Variants in RAD51AP2 observed in about 807,000 individuals in gnomAD.
RAD51AP2 encodes the protein RAD51-associated protein 2.
A neutral mutation model predicts 85.5 loss-of-function variants in RAD51AP2; 67 were observed. The ratio of observed to expected loss-of-function variants is 0.78; its 90% CI spans 0.64 to 0.96. The LOEUF (loss-of-function observed/expected upper bound fraction) is 0.96. Ranked by LOEUF, RAD51AP2 falls within the 40% of genes least tolerant of loss-of-function variation. The pLI, the probability that RAD51AP2 is intolerant of heterozygous loss-of-function variation, is 0.00. For missense variants in RAD51AP2, 1,307 were observed against 1,332.4 expected (o/e 0.98, Z 0.30); for synonymous variants, 474 against 446.5 (o/e 1.06, Z -0.78).
chr2:17,530,034 C>T, the RAD51AP2 span, among the ~76,000 whole-genome samples: 1 of 152,192 alleles, frequency 6.6e-6, no homozygotes, highest in South Asian at 2.1e-4. Context: ...CTGATACTGC[C>T]TGTTTCTTGC....
intron 2 of RAD51AP2, among the ~76,000 whole-genome samples, chr2:17,512,054 T>C (rs1280258127): frequency 6.6e-6 from 1 of 152,212 alleles, no homozygotes; most frequent in Non-Finnish European, 1.5e-5. Flanking sequence ...AACTGGCTGG[T>C]TGGCATACAA....
In RAD51AP2 at chr2:17,517,605, A is replaced by C. The variant is rs1008248374; in HGVS notation, c.811T>G (p.Ser271Ala). The C allele has an allele frequency of 6.2e-7, 1 of 1,613,758 alleles. No individual in the cohort carries two copies. The highest frequency in any genetic ancestry group is 1.3e-5 in the African/African-American group (1 of 74,866). Reference protein sequence around the residue: ...QFPMDLNSKMSSVYLKEIAKK... With the variant: ...QFPMDLNSKMASVYLKEIAKK... ...GCTATTTCCTTTAAATAGACAGAGG[A>C]CATTTTGCTATTTAAGTCCATTGGA... The change falls in exon 1 of 3, where the codon TCC (serine) becomes GCC (alanine). Residue 271 changes from serine to alanine, a missense_variant. Transcript: ENST00000399080.
Position 17,518,294 on chromosome 2 carries a change from G to C in RAD51AP2, c.122C>G (p.Pro41Arg), listed in dbSNP as rs1331995192. ...PSSKRLCLEE[P>R]GGVFKAGWRL... ...CCAGCCCGCCTTAAAGACACCTCCA[G>C]GCTCCTCAAGACAGAGCCGCTTGCT... The change falls in exon 1 of 3, where the codon CCT becomes CGT. Residue 41 changes from proline (P) to arginine (R), a missense_variant. Physicochemically the swap from Pro to Arg is moderately radical, Grantham distance 103. Around this residue, in one of 3 missense-constraint regions of RAD51AP2, gnomAD observed 635 missense variants for 643.6 expected, o/e 0.99. Transcript: ENST00000399080. 6.2e-7 allele frequency: 1 copy of C among 1,614,180 alleles called. No homozygotes were observed.
At chr2:17,519,616 C>T (rs997833548), upstream of RAD51AP2, among the ~76,000 whole-genome samples, 7 of 152,094 alleles carry the variant, frequency 4.6e-5, no homozygotes, top group South Asian at 2.1e-4. Flanking sequence ...TTTTTAAATA[C>T]TCTTAGATAC....
rs1662574004 is a variant in RAD51AP2, at chr2:17,514,048, C to A, written c.3292G>T (p.Glu1098Ter). 1 of 1,586,846 alleles carries A rather than the reference C, an allele frequency of 6.3e-7. No individual in the cohort carries two copies. The highest frequency in any genetic ancestry group is 1.1e-5 in the South Asian group (1 of 89,730). Reference sequence around the variant, plus strand: ...AAATAATTAAATTCTTCTTTACATTCATCAGGGAGAAAAGCAGGTCTTTTA... The same window carrying A: ...AAATAATTAAATTCTTCTTTACATTAATCAGGGAGAAAAGCAGGTCTTTTA... ...LPKRPAFLPD[E>*]CKEEFNYLLR... The change falls in exon 2 of 3, where the codon GAA becomes TAA. Residue 1098 changes from glutamate (E) to a stop codon, truncating the protein, a stop_gained. Transcript: ENST00000399080. LOFTEE classifies it high-confidence loss of function.
Position 17,517,796 on chromosome 2 carries a change from T to C in RAD51AP2, c.620A>G (p.Glu207Gly), listed in dbSNP as rs1268242980. ...GTTAGCTTTACATCTGTTCTTAATT[T>C]CATGAAATGGTGATTTAGTTTCCTT... ...FYKETKSPFH[E>G]IKNRCKANSV... is the part of the protein sequence containing the mutation. The change falls in exon 1 of 3, where the codon GAA becomes GGA. Residue 207 changes from glutamate to glycine, a missense_variant. Around this residue, in one of 3 missense-constraint regions of RAD51AP2, gnomAD observed 635 missense variants for 643.6 expected, o/e 0.99. Transcript: ENST00000399080. The C allele has an allele frequency of 6.2e-7, 1 of 1,614,164 alleles. No homozygotes were observed. The highest frequency in any genetic ancestry group is 8.5e-7 in the Non-Finnish European group (1 of 1,179,970).
the RAD51AP2 span, among the ~76,000 whole-genome samples, chr2:17,526,764 A>G: frequency 5.9e-5 from 9 of 152,140 alleles, no homozygotes; most frequent in South Asian, 2.1e-4. Flanking sequence ...TAAACCCTCT[A>G]CAAGAAAGGC....
upstream of RAD51AP2, among the ~76,000 whole-genome samples, chr2:17,522,356 T>C (rs536890246): frequency 1.3e-5 from 2 of 152,182 alleles, no homozygotes; most frequent in East Asian, 3.9e-4. Flanking sequence ...GCTTAAAGCA[T>C]AGTGGCAGGT....
the RAD51AP2 span, among the ~76,000 whole-genome samples, chr2:17,530,140 A>G: frequency 6.6e-6 from 1 of 152,206 alleles, no homozygotes; most frequent in Non-Finnish European, 1.5e-5. Flanking sequence ...CATAAATCTC[A>G]GGAGATTCAT....
upstream of RAD51AP2, chr2:17,518,455 C>G (rs766878633): frequency 6.3e-7 from 1 of 1,580,324 alleles, no homozygotes; most frequent in South Asian, 1.2e-5. Context: ...CCCGGCGGGG[C>G]TCCAATCCCT....
At chr2:17,530,822 T>C in the RAD51AP2 span, among the ~76,000 whole-genome samples, 2 of 152,152 alleles carry the variant, frequency 1.3e-5, no homozygotes, top group African/African-American at 4.8e-5. Context: ...AAAGTGAGTG[T>C]TGAAGGCATA....
the RAD51AP2 span, among the ~76,000 whole-genome samples, chr2:17,530,581 T>C: frequency 1.3e-5 from 1 of 76,844 alleles, no homozygotes; most frequent in Admixed American, 1.9e-4. Context: ...TCAGGCCCTG[T>C]CTCAAAAAAA....
At chr2:17,515,065 C>T in intron 1 of RAD51AP2, 104 bp downstream of exon 1, 1 of 893,312 alleles carries the variant, frequency 1.1e-6, no homozygotes. Context: ...TGCATTTTAT[C>T]TCTACCTTCC....
chr2:17,510,694 A>C lies in RAD51AP2; in HGVS notation c.*110T>G, dbSNP rs1371933866. ...ATAATTTATACACTCAAAAAAAAAAACTTCTCCACTTTATAATAAAGCAAG... is the reference window on the plus strand; with the variant it reads ...ATAATTTATACACTCAAAAAAAAAACCTTCTCCACTTTATAATAAAGCAAG... On this transcript the variant is annotated 3_prime_UTR_variant, in exon 3 of 3. Transcript: ENST00000399080. 1.8e-6 allele frequency: 1 copy of C among 560,422 alleles called. No individual in the cohort carries two copies. Among genetic ancestry groups the C allele is most frequent in the East Asian group, 3.3e-5 (1 of 30,230 alleles). The allele number at this position is 560,422 out of a possible 1,614,324, so 34.7% of individuals were successfully genotyped here. A position where few individuals can be genotyped will look rare whatever the true frequency, so the allele number is the denominator to read the frequency against.
the RAD51AP2 span, among the ~76,000 whole-genome samples, chr2:17,525,783 A>T: frequency 6.6e-6 from 1 of 152,050 alleles, no homozygotes; most frequent in Non-Finnish European, 1.5e-5. Flanking sequence ...CTTAAAAGTT[A>T]TCTGGCCTGC....
rs1201700093 is a variant in RAD51AP2, at chr2:17,517,861, A to T, written c.555T>A (p.Asn185Lys). Residue 185 changes from asparagine to lysine, a missense_variant, in exon 1 of 3, where the codon AAT becomes AAA. By Grantham distance (94) the Asn-to-Lys change is moderately conservative. Coordinates refer to ENST00000399080, the MANE Select transcript of RAD51AP2 (RefSeq NM_001099218.3). Reference sequence around the variant, plus strand: ...CTAAAAATGGATTTTCTTTGTGAACATTGTCTCTTCCTTGGACAAACTGTT... The same window carrying T: ...CTAAAAATGGATTTTCTTTGTGAACTTTGTCTCTTCCTTGGACAAACTGTT... The part of the protein sequence containing the change: ...RKQQFVQGRD[N>K]VHKENPFLDV... The T allele has an allele frequency of 1.2e-6, 2 of 1,614,012 alleles. No individual in the cohort carries two copies. Among genetic ancestry groups the T allele is most frequent in the Non-Finnish European group, 1.7e-6 (2 of 1,179,996 alleles).
At position 17,516,330 on chromosome 2, in the gene RAD51AP2, C is replaced by A; in HGVS notation, c.2086G>T (p.Asp696Tyr). 1 of 1,610,324 alleles carries A rather than the reference C, an allele frequency of 6.2e-7. No individual in the cohort carries two copies. Among genetic ancestry groups the A allele is most frequent in the South Asian group, 1.1e-5 (1 of 89,784 alleles). The change falls in exon 1 of 3, where the codon GAC becomes TAC. Residue 696 changes from aspartate (D) to tyrosine (Y), a missense_variant. Around this residue, in one of 3 missense-constraint regions of RAD51AP2, gnomAD observed 668 missense variants for 671.0 expected, o/e 1.00. Transcript: ENST00000399080. The part of the protein sequence containing the change: ...EKIPLLMDFD[D>Y]MDEISLIREI... ...CTTATTAAAGAAATTTCATCCATGT[C>A]ATCAAAGTCCATTAAAAGGGGAATT...
At chr2:17,525,890 A>AGCTGG in the RAD51AP2 span, among the ~76,000 whole-genome samples, 1 of 152,088 alleles carries the variant, frequency 6.6e-6, no homozygotes, top group African/African-American at 2.4e-5. Context: ...ACAAGGCAGC[A>AGCTGG]GCTGGGCTTG....
intron 2 of RAD51AP2, among the ~76,000 whole-genome samples, chr2:17,511,206 C>T (rs1662483346): frequency 6.6e-6 from 1 of 152,164 alleles, no homozygotes; most frequent in Non-Finnish European, 1.5e-5. Flanking sequence ...AGTCAGCATT[C>T]CAATCAGGCA....
Sources: gnomAD v4.1 joint callset for allele counts (sites outside exome capture counted in the v4.1 genomes callset) on GRCh38, gnomAD v4.1.1 for gene constraint, gnomAD v4.1.1 regional missense constraint, MANE v1.5 for transcripts, NCBI Gene and HGNC (gene_info 2026-07-23, HGNC 2026-07-21) for gene names.